Variants in NKAIN2 observed in about 807,000 individuals in gnomAD.
The protein encoded by NKAIN2 is sodium/potassium transporting ATPase interacting 2, also known as sodium/potassium-transporting ATPase subunit beta-1-interacting protein 2.
A neutral mutation model predicts 32.6 loss-of-function variants in NKAIN2; 14 were observed. The observed-to-expected ratio is 0.43, with a 90% CI of 0.28 to 0.67. NKAIN2 has a LOEUF of 0.67. NKAIN2 is among the 30% of genes least tolerant of loss of function. NKAIN2 has a pLI of 0.17. For missense variants in NKAIN2, 198 were observed against 258.3 expected (o/e 0.77, Z 1.60); for synonymous variants, 80 against 87.2 (o/e 0.92, Z 0.46).
chr6:124,438,078 T>G (rs908465831), intron 3 of NKAIN2, among the ~76,000 whole-genome samples: 1 of 151,962 alleles, frequency 6.6e-6, no homozygotes, highest in Non-Finnish European at 1.5e-5. Context: ...ATCCAGTGAG[T>G]GAAAATTTTA....
chr6:124,028,893 A>G (rs62435612), intron 1 of NKAIN2, among the ~76,000 whole-genome samples: 727 of 17,476 alleles, frequency 0.042, 5 homozygotes, highest in African/African-American at 0.22. Context: ...ATGTGTATAT[A>G]TATATATATA....
intron 3 of NKAIN2, among the ~76,000 whole-genome samples, chr6:124,382,396 A>G (rs970472917): frequency 6.6e-6 from 1 of 152,176 alleles, no homozygotes; most frequent in Non-Finnish European, 1.5e-5. Flanking sequence ...AATTGAAACA[A>G]ATGCGAGCTA....
intron 1 of NKAIN2, among the ~76,000 whole-genome samples, chr6:123,834,883 A>T (rs1582618999): frequency 2.0e-5 from 3 of 152,250 alleles, no homozygotes; most frequent in South Asian, 2.1e-4. Context: ...TGGTATTTGC[A>T]TGTTGAACCA....
chr6:124,513,330 A>G (rs974019501), intron 3 of NKAIN2, among the ~76,000 whole-genome samples: 4 of 152,132 alleles, frequency 2.6e-5, no homozygotes, highest in African/African-American at 9.7e-5. Flanking sequence ...TTTTCTTACA[A>G]TGTGCCTATG....
intron 1 of NKAIN2, among the ~76,000 whole-genome samples, chr6:123,949,610 T>C (rs1445504278): frequency 6.6e-6 from 1 of 152,020 alleles, no homozygotes; most frequent in Admixed American, 6.6e-5. Flanking sequence ...TAGTTCATTA[T>C]TGATGTATAA....
chr6:124,081,016 T>C (rs935074916), intron 1 of NKAIN2, among the ~76,000 whole-genome samples: 2 of 152,138 alleles, frequency 1.3e-5, no homozygotes, highest in African/African-American at 4.8e-5. Context: ...ATTTATTTAT[T>C]CATTGGCATA....
chr6:124,149,878 G>A (rs1220484214), intron 1 of NKAIN2, among the ~76,000 whole-genome samples: 4 of 150,172 alleles, frequency 2.7e-5, no homozygotes, highest in Admixed American at 2.0e-4. Context: ...AGCTGGACCT[G>A]CTTGCTTTTA....
chr6:124,550,779 A>T (rs541577842), intron 3 of NKAIN2, among the ~76,000 whole-genome samples: 2 of 152,210 alleles, frequency 1.3e-5, no homozygotes, highest in African/African-American at 2.4e-5. Context: ...GACACTATTC[A>T]TTGTAACAGG....
At chr6:124,003,812 G>A (rs1024297238) in intron 1 of NKAIN2, among the ~76,000 whole-genome samples, 1 of 152,142 alleles carries the variant, frequency 6.6e-6, no homozygotes, top group Non-Finnish European at 1.5e-5. Flanking sequence ...AGATGGGGCA[G>A]CAGGGATCTC....
At chr6:124,813,247 AG>A (rs1562399324) in intron 5 of NKAIN2, among the ~76,000 whole-genome samples, 2 of 152,082 alleles carry the variant, frequency 1.3e-5, no homozygotes, top group African/African-American at 4.8e-5. Context: ...CAGCAAAGGT[AG>A]TTTCTGATAA....
chr6:123,987,961 A>C (rs1174738999), intron 1 of NKAIN2, among the ~76,000 whole-genome samples: 1 of 152,244 alleles, frequency 6.6e-6, no homozygotes, highest in African/African-American at 2.4e-5. Flanking sequence ...TGATCTTAGA[A>C]TTCTGACTAC....
intron 3 of NKAIN2, among the ~76,000 whole-genome samples, chr6:124,562,905 T>C (rs1239226721): frequency 1.6e-5 from 2 of 123,438 alleles, no homozygotes; most frequent in Admixed American, 1.6e-4. Flanking sequence ...TTTTTGTTTC[T>C]TTTTTTTTTT....
intron 1 of NKAIN2, among the ~76,000 whole-genome samples, chr6:124,212,120 A>G (rs939033989): frequency 6.6e-6 from 1 of 152,116 alleles, no homozygotes. Flanking sequence ...TAAATGTAAA[A>G]TCAAATGACT....
intron 3 of NKAIN2, among the ~76,000 whole-genome samples, chr6:124,461,213 G>T (rs1358263241): frequency 1.3e-5 from 2 of 151,650 alleles, no homozygotes; most frequent in Non-Finnish European, 3.0e-5. Flanking sequence ...ACCTGGCTTC[G>T]AATGTGCTGG....
Position 123,911,812 on chromosome 6 carries a change from TACACACACACACACACACACAC to T in NKAIN2, c.54+107584_54+107605del, listed in dbSNP as rs60501930. On this transcript the variant is annotated intron_variant, in intron 1 of 6. Coordinates refer to ENST00000368417, the MANE Select transcript of NKAIN2 (RefSeq NM_001040214.3). ...ATATATATATATATGTATATATATA[TACACACACACACACACACACAC>T]ACACACACACACACACACACACACA... 4.7e-4 allele frequency among the ~76,000 whole-genome samples: 40 copies of T among 85,010 alleles called. 1 individual carries two copies. Among genetic ancestry groups the T allele is most frequent in the Non-Finnish European group, 3.9e-4 (17 of 43,662 alleles). The allele number at this position is 85,010 out of a possible 152,430, so 55.8% of individuals were successfully genotyped here.
At chr6:124,465,101 A>T (rs1047848483) in intron 3 of NKAIN2, among the ~76,000 whole-genome samples, 1 of 152,018 alleles carries the variant, frequency 6.6e-6, no homozygotes, top group Non-Finnish European at 1.5e-5. Context: ...ATAAACAGAA[A>T]TACCATTTGA....
intron 1 of NKAIN2, among the ~76,000 whole-genome samples, chr6:123,817,868 A>G (rs1021613860): frequency 6.6e-6 from 1 of 152,120 alleles, no homozygotes; most frequent in African/African-American, 2.4e-5. Flanking sequence ...CATTTGTGGG[A>G]GTATTGACTG....
At chr6:124,323,948 C>T (rs768453425) in intron 2 of NKAIN2, among the ~76,000 whole-genome samples, 18 of 151,822 alleles carry the variant, frequency 1.2e-4, no homozygotes, top group Admixed American at 6.6e-4. Flanking sequence ...CCACCACACT[C>T]GGCTAATTTT....
At position 124,823,279 on chromosome 6, in the gene NKAIN2, T is replaced by G; in HGVS notation, c.*50T>G. On this transcript the variant is annotated 3_prime_UTR_variant, in exon 7 of 7. Transcript: ENST00000368417. ...CCATGGACCTTTCAAAGAACTTTTT[T>G]CGCAGTGGCCTCCTGCATTTCATGA... The G allele has an allele frequency of 7.5e-7, 1 of 1,327,290 alleles. No homozygotes were observed. Among genetic ancestry groups the G allele is most frequent in the Non-Finnish European group, 1.1e-6 (1 of 917,100 alleles). 82.2% of individuals were successfully genotyped at this position (1,327,290 alleles called of 1,614,324 possible).
Sources: allele counts gnomAD v4.1 joint callset (sites outside exome capture counted in the v4.1 genomes callset), GRCh38; gene constraint gnomAD v4.1.1; transcripts MANE v1.5; gene names NCBI Gene and HGNC (gene_info 2026-07-23, HGNC 2026-07-21).